Variants in CAMTA1 observed in about 807,000 individuals in gnomAD.
The protein encoded by CAMTA1 is calmodulin-binding transcription activator 1.
CAMTA1 carries 27 observed loss-of-function variants against 170.9 expected under a neutral mutation model. The observed-to-expected ratio is 0.16, with a 90% CI of 0.12 to 0.22. CAMTA1 has a LOEUF of 0.22. Among genes scored for constraint, CAMTA1 ranks in the 10% least tolerant of loss-of-function variants. The pLI is 1.00. For missense variants in CAMTA1, 1,619 were observed against 2,217.2 expected (o/e 0.73, Z 5.42); for synonymous variants, 833 against 891.5 (o/e 0.93, Z 1.17).
rs1486550120 is a variant in CAMTA1, at chr1:6,785,463, G to GTGGC, written c.-64_-61dup. Reference sequence around the variant, plus strand: ...AGGGCGGGTGCGCGGCGGCGGCGGGGTGGCTGGGCCGGCGGCGGCGGCGGT... The same window carrying GTGGC: ...AGGGCGGGTGCGCGGCGGCGGCGGGGTGGCTGGCTGGGCCGGCGGCGGCGGCGGT... On this transcript the variant is annotated 5_prime_UTR_variant, in exon 1 of 23. Transcript: ENST00000303635. 15 of 992,280 alleles carry GTGGC rather than the reference G, an allele frequency of 1.5e-5. No homozygotes were observed. The African/African-American group carries it at 2.7e-4, about 18-fold the overall frequency. The allele number at this position is 992,280 out of a possible 1,614,324, so 61.5% of individuals were successfully genotyped here. A position where few individuals can be genotyped will look rare whatever the true frequency, so the allele number is the denominator to read the frequency against.
At chr1:7,287,295 T>A (rs1331923389) in intron 5 of CAMTA1, among the ~76,000 whole-genome samples, 1 of 152,152 alleles carries the variant, frequency 6.6e-6, no homozygotes. Context: ...AGGGAGAATA[T>A]GGCCATCATT....
chr1:6,974,715 C>T (rs888476676), intron 3 of CAMTA1, among the ~76,000 whole-genome samples: 3 of 152,190 alleles, frequency 2.0e-5, no homozygotes, highest in African/African-American at 7.2e-5. Flanking sequence ...TTTCCTAGCA[C>T]TTTGGAACTG....
chr1:7,637,201 G>T (rs993212939), intron 6 of CAMTA1, among the ~76,000 whole-genome samples: 1 of 152,228 alleles, frequency 6.6e-6, no homozygotes, highest in Non-Finnish European at 1.5e-5. Context: ...GGCCTCCCAC[G>T]GGTCCCAGGC....
At chr1:7,160,126 C>G (rs898606006) in intron 4 of CAMTA1, among the ~76,000 whole-genome samples, 1 of 152,038 alleles carries the variant, frequency 6.6e-6, no homozygotes, top group African/African-American at 2.4e-5. Context: ...ATGGGTACCT[C>G]TAATCCCAGG....
chr1:7,387,146 A>T (rs1363114147), intron 5 of CAMTA1, among the ~76,000 whole-genome samples: 2 of 151,754 alleles, frequency 1.3e-5, no homozygotes, highest in Non-Finnish European at 1.5e-5. Context: ...CTCCAACGGG[A>T]GACTTCTCTC....
chr1:6,877,710 C>G (rs1046996567), intron 3 of CAMTA1, among the ~76,000 whole-genome samples: 1 of 152,162 alleles, frequency 6.6e-6, no homozygotes, highest in Non-Finnish European at 1.5e-5. Context: ...CACAGAACTT[C>G]AATTATTCAG....
At chr1:7,358,512 C>A (rs964885105) in intron 5 of CAMTA1, among the ~76,000 whole-genome samples, 1 of 151,650 alleles carries the variant, frequency 6.6e-6, no homozygotes, top group South Asian at 2.1e-4. Context: ...GGTGCGGAGC[C>A]TCCCTTCCTC....
intron 3 of CAMTA1, among the ~76,000 whole-genome samples, chr1:6,947,075 C>A (rs1383111549): frequency 6.6e-6 from 1 of 152,162 alleles, no homozygotes; most frequent in Non-Finnish European, 1.5e-5. Context: ...ACTCTATTTT[C>A]CCCCATTGAA....
chr1:6,793,118 A>G (rs773915443), intron 1 of CAMTA1, among the ~76,000 whole-genome samples: 45 of 152,224 alleles, frequency 3.0e-4, no homozygotes, highest in Admixed American at 1.2e-3. Context: ...CCAAAACAAT[A>G]GTCATAGCAA....
intron 5 of CAMTA1, among the ~76,000 whole-genome samples, chr1:7,337,987 A>G (rs1306108345): frequency 6.6e-6 from 1 of 151,240 alleles, no homozygotes; most frequent in Non-Finnish European, 1.5e-5. Flanking sequence ...TTATATGTGT[A>G]TATATACTAT....
At chr1:7,096,849 CTCAGATACT>C (rs1373177554) in intron 4 of CAMTA1, among the ~76,000 whole-genome samples, 1 of 152,174 alleles carries the variant, frequency 6.6e-6, no homozygotes, top group Non-Finnish European at 1.5e-5. Flanking sequence ...ACTTGGGAGC[CTCAGATACT>C]TCCTGGGAGC....
intron 3 of CAMTA1, chr1:6,888,242 C>T: frequency 1.0e-6 from 1 of 985,992 alleles, no homozygotes; most frequent in Non-Finnish European, 1.2e-6. Flanking sequence ...GAATGTTTTT[C>T]CTTTAACTTG....
At chr1:7,420,512 A>G (rs1477195499) in intron 5 of CAMTA1, among the ~76,000 whole-genome samples, 1 of 152,088 alleles carries the variant, frequency 6.6e-6, no homozygotes, top group African/African-American at 2.4e-5. Flanking sequence ...TGTCTAGTGA[A>G]GGACTAAGGG....
At chr1:7,208,362 G>GCA (rs1218613347) in intron 4 of CAMTA1, among the ~76,000 whole-genome samples, 1 of 152,160 alleles carries the variant, frequency 6.6e-6, no homozygotes, top group Non-Finnish European at 1.5e-5. Context: ...CAGTCAAAAT[G>GCA]CACACACACA....
At chr1:7,574,130 C>T (rs933391244) in intron 6 of CAMTA1, among the ~76,000 whole-genome samples, 5 of 119,094 alleles carry the variant, frequency 4.2e-5, no homozygotes, top group Non-Finnish European at 5.9e-5. Flanking sequence ...CTCAGGGCTT[C>T]CCTGCAGGTG....
At chr1:7,162,487 A>C (rs1393963156) in intron 4 of CAMTA1, among the ~76,000 whole-genome samples, 1 of 152,150 alleles carries the variant, frequency 6.6e-6, no homozygotes, top group Non-Finnish European at 1.5e-5. Context: ...GCCCAGGGCA[A>C]CCACAAATCT....
intron 3 of CAMTA1, among the ~76,000 whole-genome samples, chr1:6,992,942 A>T (rs1377316257): frequency 6.6e-6 from 1 of 152,256 alleles, no homozygotes; most frequent in East Asian, 1.9e-4. Flanking sequence ...GTTATTTTCC[A>T]TAGTGATGTC....
At chr1:7,021,932 T>C (rs1258952786) in intron 3 of CAMTA1, among the ~76,000 whole-genome samples, 1 of 152,046 alleles carries the variant, frequency 6.6e-6, no homozygotes, top group Non-Finnish European at 1.5e-5. Flanking sequence ...CAGTGAGTGG[T>C]TTATTCGGTA....
At chr1:7,214,661 C>T (rs1305207203) in intron 4 of CAMTA1, among the ~76,000 whole-genome samples, 5 of 152,082 alleles carry the variant, frequency 3.3e-5, no homozygotes, top group Admixed American at 1.3e-4. Flanking sequence ...CCACTGTGCC[C>T]GGCCCAAAGA....
Sources: gnomAD v4.1 joint callset for allele counts (sites outside exome capture counted in the v4.1 genomes callset) on GRCh38, gnomAD v4.1.1 for gene constraint, MANE v1.5 for transcripts, NCBI Gene and HGNC (gene_info 2026-07-23, HGNC 2026-07-21) for gene names.